The following NRG3 variants were observed in gnomAD, a reference collection of about 807,000 sequenced individuals.
The protein encoded by NRG3 is neuregulin 3.
NRG3 carries 31 observed loss-of-function variants against 66.9 expected under a neutral mutation model. The ratio of observed to expected loss-of-function variants is 0.46; its 90% CI spans 0.35 to 0.63. The LOEUF is 0.63. NRG3 is among the 20% of genes least tolerant of loss of function. The pLI is 0.00. For missense variants in NRG3, 910 were observed against 878.9 expected (o/e 1.04, Z -0.45); for synonymous variants, 393 against 359.4 (o/e 1.09, Z -1.06).
intron 2 of NRG3, among the ~76,000 whole-genome samples, chr10:82,637,795 T>C (rs1194839205): frequency 6.6e-6 from 1 of 152,200 alleles, no homozygotes; most frequent in East Asian, 1.9e-4. Context: ...GAACAACTGG[T>C]GAAATTTGAA....
chr10:81,920,754 A>C (rs1749549280), intron 1 of NRG3, among the ~76,000 whole-genome samples: 1 of 152,186 alleles, frequency 6.6e-6, no homozygotes, highest in South Asian at 2.1e-4. Flanking sequence ...ACATGGGCTC[A>C]CATTTTTCTA....
At chr10:82,360,654 G>A (rs1240635302) in intron 2 of NRG3, among the ~76,000 whole-genome samples, 2 of 152,182 alleles carry the variant, frequency 1.3e-5, no homozygotes, top group African/African-American at 4.8e-5. Flanking sequence ...TAGGACTGCT[G>A]TTACAAAGTG....
Position 82,131,403 on chromosome 10 carries a change from C to G in NRG3, c.824-227336C>G, listed in dbSNP as rs113916495. On this transcript the variant is annotated intron_variant, in intron 1 of 8. Coordinates refer to ENST00000372141, the MANE Select transcript of NRG3 (RefSeq NM_001010848.4). ...TATTCTGTTCCATTAGTCTATATGT[C>G]TGTTTTTATGTATCCATGCTGTTTG... 2.4e-3 allele frequency among the ~76,000 whole-genome samples: 369 copies of G among 152,134 alleles called. 4 individuals carry two copies. Among genetic ancestry groups the G allele is most frequent in the African/African-American group, 8.5e-3 (352 of 41,508 alleles).
intron 1 of NRG3, among the ~76,000 whole-genome samples, chr10:82,007,886 G>A (rs1365806517): frequency 2.0e-5 from 3 of 152,056 alleles, no homozygotes; most frequent in Non-Finnish European, 2.9e-5. Flanking sequence ...AGCTCTAAAT[G>A]CTTTCCCAGT....
chr10:82,403,078 A>G (rs1368754170), intron 2 of NRG3, among the ~76,000 whole-genome samples: 1 of 152,186 alleles, frequency 6.6e-6, no homozygotes, highest in Non-Finnish European at 1.5e-5. Context: ...ACCACAGAAA[A>G]GACGTGACAT....
Position 81,978,423 on chromosome 10 carries a change from G to A in NRG3, c.823+102260G>A, listed in dbSNP as rs1458427134. Among the ~76,000 whole-genome samples the A allele has an allele frequency of 4.6e-5, 7 of 152,110 alleles. No homozygotes were observed. The South Asian group carries it at 8.3e-4, about 18-fold the overall frequency. The stretch of plus-strand genomic sequence containing the variant: ...TGCCAAACCATTCTATAACTTTCAG[G>A]ACCTTGGACAGCTTCTTTGCTTCAA... On this transcript the variant is annotated intron_variant, in intron 1 of 8. Transcript: ENST00000372141.
chr10:82,037,338 A>G (rs1268030643), intron 1 of NRG3, among the ~76,000 whole-genome samples: 1 of 152,152 alleles, frequency 6.6e-6, no homozygotes, highest in Non-Finnish European at 1.5e-5. Flanking sequence ...TCAGGGCAGA[A>G]TGTGGAGCTC....
At chr10:82,703,573 A>G (rs1179384129) in intron 2 of NRG3, among the ~76,000 whole-genome samples, 2 of 152,150 alleles carry the variant, frequency 1.3e-5, no homozygotes, top group African/African-American at 4.8e-5. Context: ...AGGAAGAACC[A>G]TTCAACAGGC....
chr10:82,864,145 G>A (rs754313001), intron 3 of NRG3, among the ~76,000 whole-genome samples: 5 of 152,004 alleles, frequency 3.3e-5, no homozygotes, highest in African/African-American at 7.2e-5. Context: ...TTCTGATTGG[G>A]GTGATGGAAG....
At chr10:82,656,440 T>C (rs924256042) in intron 2 of NRG3, among the ~76,000 whole-genome samples, 1 of 152,152 alleles carries the variant, frequency 6.6e-6, no homozygotes, top group African/African-American at 2.4e-5. Flanking sequence ...GTGTCCACTT[T>C]AGGTTTTCTT....
At chr10:82,709,983 G>C (rs954554206) in intron 2 of NRG3, among the ~76,000 whole-genome samples, 1 of 152,100 alleles carries the variant, frequency 6.6e-6, no homozygotes, top group Non-Finnish European at 1.5e-5. Flanking sequence ...TGTGCATCTT[G>C]GCCAAGAAGT....
At chr10:82,205,668 G>A (rs1006592438) in intron 1 of NRG3, among the ~76,000 whole-genome samples, 1 of 152,138 alleles carries the variant, frequency 6.6e-6, no homozygotes, top group Admixed American at 6.5e-5. Flanking sequence ...TGAAGGAAAA[G>A]ATGTCATTGA....
intron 2 of NRG3, among the ~76,000 whole-genome samples, chr10:82,447,364 T>C (rs973460142): frequency 2.0e-5 from 3 of 152,078 alleles, no homozygotes; most frequent in Non-Finnish European, 2.9e-5. Context: ...CAGGAGGATC[T>C]CTTGAGTCCA....
At chr10:82,311,546 A>G (rs2081028064) in intron 1 of NRG3, among the ~76,000 whole-genome samples, 1 of 152,218 alleles carries the variant, frequency 6.6e-6, no homozygotes, top group Non-Finnish European at 1.5e-5. Flanking sequence ...AAAACCGAAT[A>G]GCAACAACAA....
At chr10:82,695,782 C>T (rs571543129) in intron 2 of NRG3, among the ~76,000 whole-genome samples, 127 of 152,240 alleles carry the variant, frequency 8.3e-4, no homozygotes, top group Admixed American at 2.0e-3. Context: ...TCTGACTCCT[C>T]CCAGATCACG....
intron 3 of NRG3, among the ~76,000 whole-genome samples, chr10:82,821,383 A>C (rs1439327880): frequency 2.0e-5 from 3 of 152,280 alleles, no homozygotes; most frequent in East Asian, 1.9e-4. Context: ...CTGCATCCAA[A>C]GTCTTCTTGC....
chr10:82,209,568 T>C (rs2133607314), intron 1 of NRG3, among the ~76,000 whole-genome samples: 1 of 152,290 alleles, frequency 6.6e-6, no homozygotes, highest in South Asian at 2.1e-4. Context: ...ACCACTGCAT[T>C]TTGATAACTC....
At chr10:82,456,306 AT>A (rs961768270) in intron 2 of NRG3, among the ~76,000 whole-genome samples, 4 of 150,948 alleles carry the variant, frequency 2.6e-5, no homozygotes, top group Admixed American at 6.6e-5. Flanking sequence ...CAACTGGCTA[AT>A]TTTTTTTTAT....
chr10:82,184,468 G>GA (rs953738575), intron 1 of NRG3, among the ~76,000 whole-genome samples: 52 of 152,248 alleles, frequency 3.4e-4, no homozygotes, highest in African/African-American at 1.3e-3. Flanking sequence ...CCCTGATAGA[G>GA]AAATGCTTTA....
Sources: allele counts gnomAD v4.1 joint callset (sites outside exome capture counted in the v4.1 genomes callset), GRCh38; gene constraint gnomAD v4.1.1; transcripts MANE v1.5; gene names NCBI Gene and HGNC (gene_info 2026-07-23, HGNC 2026-07-21).